Variants in SPEF2 observed in about 807,000 individuals in gnomAD.
SPEF2 encodes sperm flagella and cilia-associated protein 2.
In SPEF2, 187 loss-of-function variants were observed where a neutral mutation model predicts 224.6. That is an observed-to-expected ratio of 0.83 (90% CI 0.74 to 0.94). The LOEUF is 0.94. Ranked by LOEUF, SPEF2 falls within the 40% of genes least tolerant of loss-of-function variation. SPEF2 has a pLI of 0.00. For missense variants in SPEF2, 2,170 were observed against 2,135.6 expected (o/e 1.02, Z -0.32); for synonymous variants, 715 against 707.3 (o/e 1.01, Z -0.17).
intron 10 of SPEF2, among the ~76,000 whole-genome samples, chr5:35,672,225 A>G (rs887524703): frequency 7.0e-6 from 1 of 142,364 alleles, no homozygotes; most frequent in African/African-American, 2.5e-5. Flanking sequence ...CATTTGCTTG[A>G]ACATAATGTT....
At chr5:35,682,091 A>C (rs1359250985) in intron 10 of SPEF2, among the ~76,000 whole-genome samples, 1 of 152,314 alleles carries the variant, frequency 6.6e-6, no homozygotes, top group East Asian at 1.9e-4. Flanking sequence ...TGGTGTGCCA[A>C]GGGAAAAGCC....
At chr5:35,810,634 C>T (rs959408403) in intron 36 of SPEF2, among the ~76,000 whole-genome samples, 1 of 152,110 alleles carries the variant, frequency 6.6e-6, no homozygotes, top group Non-Finnish European at 1.5e-5. Flanking sequence ...CATTTCAGGC[C>T]CTACCCCCTG....
chr5:35,700,307 A>T, intron 15 of SPEF2, 189 bp from the exon 16 acceptor site: 1 of 616,618 alleles, frequency 1.6e-6, no homozygotes, highest in Non-Finnish European at 2.8e-6. Flanking sequence ...CACAGTATCC[A>T]CAGAAGTATT....
At chr5:35,775,306 T>C (rs1011791469) in intron 28 of SPEF2, among the ~76,000 whole-genome samples, 1 of 151,980 alleles carries the variant, frequency 6.6e-6, no homozygotes, top group African/African-American at 2.4e-5. Context: ...AAAGGGGACA[T>C]GAGGGGAGTT....
In SPEF2 at chr5:35,700,915, T is replaced by A. The variant is rs6889546; in HGVS notation, c.2398+163T>A. Among the ~76,000 whole-genome samples, 81,607 of 152,098 alleles carry A rather than the reference T, an allele frequency of 0.54. 22,325 individuals are homozygous for A. Among genetic ancestry groups the A allele is most frequent in the African/African-American group, 0.56 (23,250 of 41,494 alleles). ...CACAGTTGCCTCTTGCTTTGACTGT[T>A]AGCATTCAGCGCTGTGGGCAAAGCC... On this transcript the variant is annotated intron_variant, in intron 16 of 36. Coordinates refer to ENST00000356031, the MANE Select transcript of SPEF2 (RefSeq NM_024867.4).
intron 23 of SPEF2, among the ~76,000 whole-genome samples, chr5:35,743,744 TAAGTGAAA>T (rs2149700648): frequency 6.6e-6 from 1 of 152,234 alleles, no homozygotes; most frequent in Admixed American, 6.5e-5. Context: ...CTGGTGAAAG[TAAGTGAAA>T]AACTCCTGTG....
intron 18 of SPEF2, 105 bp from the exon 19 acceptor site, chr5:35,708,838 CTTTAA>C: frequency 9.6e-7 from 1 of 1,038,530 alleles, no homozygotes; most frequent in Non-Finnish European, 1.4e-6. Context: ...CATGAATTAG[CTTTAA>C]ATACGTAAGA....
intron 33 of SPEF2, 88 bp downstream of exon 33, chr5:35,795,883 A>C: frequency 8.9e-7 from 1 of 1,120,626 alleles, no homozygotes. Flanking sequence ...TTGGCTGTGG[A>C]CTGCACCCCT....
intron 30 of SPEF2, chr5:35,781,605 A>G (rs1349817779): frequency 6.6e-6 from 1 of 152,166 alleles, no homozygotes; most frequent in Non-Finnish European, 1.5e-5. Context: ...CAAGCTGGAG[A>G]ATTAACCCAT....
rs758346764 is a variant in SPEF2, at chr5:35,641,633, C to A, written c.364C>A (p.Arg122Ser). ...LTGVEMQTMQ[R>S]LTNLRLQNMK... ...TGGAGTGGAGATGCAAACCATGCAA[C>A]GTCTGACAAATTTAAGACTTCAAAA... The change falls in exon 3 of 37, where the codon CGT becomes AGT. Residue 122 changes from arginine (R) to serine (S), a missense_variant. Physicochemically the swap from Arg to Ser is moderately radical, Grantham distance 110 (BLOSUM62 -1). Transcript: ENST00000356031. 6.2e-7 allele frequency: 1 copy of A among 1,613,364 alleles called. No homozygotes were observed. Among genetic ancestry groups the A allele is most frequent in the East Asian group, 2.2e-5 (1 of 44,848 alleles).
chr5:35,740,416 A>C, intron 23 of SPEF2, 149 bp downstream of exon 23: 1 of 1,057,758 alleles, frequency 9.5e-7, no homozygotes, highest in South Asian at 1.6e-5. Context: ...TTTCAAGAGC[A>C]GTGGCTTTTC....
At chr5:35,808,001 GT>G (rs1758281788) in intron 36 of SPEF2, 2 of 1,244,702 alleles carry the variant, frequency 1.6e-6, no homozygotes, top group East Asian at 6.6e-5. Flanking sequence ...ACTACAAAGT[GT>G]TTGCTGAGTT....
intron 33 of SPEF2, among the ~76,000 whole-genome samples, chr5:35,799,705 C>T (rs1392328784): frequency 6.6e-6 from 1 of 152,126 alleles, no homozygotes; most frequent in Non-Finnish European, 1.5e-5. Context: ...CCCCCACTAC[C>T]CTTAATTAGT....
chr5:35,670,666 T>G (rs1169772264), intron 10 of SPEF2: 2 of 985,622 alleles, frequency 2.0e-6, no homozygotes, highest in African/African-American at 3.5e-5. Flanking sequence ...TAGCATAGAT[T>G]CAAACAATCT....
chr5:35,717,473 A>C (rs7705347), intron 20 of SPEF2, among the ~76,000 whole-genome samples: 1 of 152,042 alleles, frequency 6.6e-6, no homozygotes. Context: ...TTTAGTATCA[A>C]TGTTATAAGC....
chr5:35,710,809 T>A (rs1740958277), intron 19 of SPEF2: 1 of 985,138 alleles, frequency 1.0e-6, no homozygotes, highest in East Asian at 1.1e-4. Context: ...TATTCTTGAA[T>A]ACTGTGCATT....
chr5:35,763,343 A>G (rs1016319619), intron 25 of SPEF2, among the ~76,000 whole-genome samples, 179 bp from the exon 26 acceptor site: 2 of 152,168 alleles, frequency 1.3e-5, no homozygotes, highest in African/African-American at 4.8e-5. Context: ...GATGTTCTAG[A>G]CCACAAAAAT....
At chr5:35,660,906 T>G (rs1749601643) in intron 8 of SPEF2, among the ~76,000 whole-genome samples, 2 of 152,126 alleles carry the variant, frequency 1.3e-5, no homozygotes, top group South Asian at 4.1e-4. Flanking sequence ...AGACCTAAAT[T>G]GTGAGGTTCT....
chr5:35,639,664 GT>G (rs201397077), intron 2 of SPEF2, among the ~76,000 whole-genome samples: 14,489 of 139,030 alleles, frequency 0.1, 819 homozygotes, highest in East Asian at 0.19. Flanking sequence ...GAGAAGATTT[GT>G]TTTTTTTTTT....
Sources: allele counts gnomAD v4.1 joint callset (sites outside exome capture counted in the v4.1 genomes callset), GRCh38; gene constraint gnomAD v4.1.1; transcripts MANE v1.5; gene names NCBI Gene and HGNC (gene_info 2026-07-23, HGNC 2026-07-21).